SSR2: variants seen among roughly 807,000 people sequenced by gnomAD.
SSR2 encodes translocon-associated protein subunit beta.
SSR2 carries 16 observed loss-of-function variants against 22.6 expected under a neutral mutation model. That is an observed-to-expected ratio of 0.71 (90% CI 0.48 to 1.08). The LOEUF (loss-of-function observed/expected upper bound fraction) is 1.08, where lower values mean the gene tolerates loss of function less well. SSR2 is among the 50% of genes least tolerant of loss of function. SSR2 has a pLI of 0.00. For missense variants in SSR2, 171 were observed against 221.6 expected, an observed-to-expected ratio of 0.77 and a Z score of 1.45; for synonymous variants, 83 against 91.2, an observed-to-expected ratio of 0.91 and a Z score of 0.51.
At chr1:156,019,779 T>G (rs1015987653) in intron 2 of SSR2, among the ~76,000 whole-genome samples, 4 of 152,208 alleles carry the variant, frequency 2.6e-5, no homozygotes, top group Non-Finnish European at 5.9e-5. Flanking sequence ...TTCTTGCCAC[T>G]TCCCTACTCT....
At chr1:156,019,178 C>CAA (rs1683108195) in intron 2 of SSR2, 1 of 424,932 alleles carries the variant, frequency 2.4e-6, no homozygotes. Flanking sequence ...GGACTGGATT[C>CAA]TATTGCTCAG....
chr1:156,013,744 A>G (rs1683014616), intron 4 of SSR2: 1 of 153,598 alleles, frequency 6.5e-6, no homozygotes, highest in Non-Finnish European at 1.5e-5. Flanking sequence ...GAGAGGCAGA[A>G]AAGCTCAGCC....
At chr1:156,019,454 G>A (rs949983173) in intron 2 of SSR2, among the ~76,000 whole-genome samples, 7 of 151,910 alleles carry the variant, frequency 4.6e-5, no homozygotes, top group African/African-American at 7.3e-5. Flanking sequence ...CGCAATCTCC[G>A]GCTCACTGCA....
intron 3 of SSR2, among the ~76,000 whole-genome samples, chr1:156,015,505 C>CAAAAAAAA (rs1169214264): frequency 1.5e-4 from 6 of 41,032 alleles, no homozygotes; most frequent in East Asian, 2.0e-3. Flanking sequence ...GACTCCGCCT[C>CAAAAAAAA]AAAAAAAAAA....
intron 4 of SSR2, 79 bp downstream of exon 4, chr1:156,014,882 C>T: frequency 8.6e-7 from 1 of 1,157,074 alleles, no homozygotes; most frequent in Non-Finnish European, 1.3e-6. Flanking sequence ...TCTCTTCATC[C>T]CCCTCTTACC....
chr1:156,009,169 A>AG lies in SSR2; in HGVS notation c.*370dup, dbSNP rs1352968360. 2.6e-5 allele frequency: 5 copies of AG among 192,684 alleles called. No homozygotes were observed. The highest frequency in any genetic ancestry group is 5.2e-5 in the Non-Finnish European group (5 of 95,312). 11.9% of individuals were successfully genotyped at this position (192,684 alleles called of 1,614,324 possible). A position where few individuals can be genotyped will look rare whatever the true frequency, so the allele number is the denominator to read the frequency against. On this transcript the variant is annotated 3_prime_UTR_variant, in exon 6 of 6. Transcript: ENST00000295702. ...ATTTCATCTTCCACCCTCTTCTGAG[A>AG]GGGGGAGGCAGGGGATAGGGGTGGT...
rs1682948689 is a variant in SSR2, at chr1:156,009,336, ACGATGGAAC to A, written c.*195_*203del. On this transcript the variant is annotated 3_prime_UTR_variant, in exon 6 of 6. Coordinates refer to ENST00000295702, the MANE Select transcript of SSR2 (RefSeq NM_003145.4). ...CAAAGGCATTCCTGTTTATGGCTTCACGATGGAACCAAGGAGGCTCTCGCAGACTCCTAG... is the reference window on the plus strand; with the variant it reads ...CAAAGGCATTCCTGTTTATGGCTTCACAAGGAGGCTCTCGCAGACTCCTAG... 1.9e-6 allele frequency: 1 copy of A among 526,618 alleles called. No individual in the cohort carries two copies. Among genetic ancestry groups the A allele is most frequent in the Non-Finnish European group, 3.3e-6 (1 of 298,890 alleles). 32.6% of individuals were successfully genotyped at this position (526,618 alleles called of 1,614,324 possible).
chr1:156,018,242 C>G lies in SSR2; in HGVS notation c.254+28G>C, dbSNP rs201268089. 4.4e-6 allele frequency: 7 copies of G among 1,584,842 alleles called. No homozygotes were observed. In the African/African-American group the frequency reaches 5.4e-5, roughly 12 times the overall value. ...GGCAAGGCTCTCCCTGCCCCCCGAC[C>G]CTTCATCACCAAGTGCCAAGAGGAT... On this transcript the variant is annotated intron_variant, in intron 3 of 5. Transcript: ENST00000295702.
At chr1:156,015,612 G>C (rs1683044506) in intron 3 of SSR2, among the ~76,000 whole-genome samples, 1 of 140,600 alleles carries the variant, frequency 7.1e-6, no homozygotes, top group Non-Finnish European at 1.5e-5. Context: ...AAAAGAGAGA[G>C]AGATGGGGTC....
chr1:156,018,694 G>T (rs34995046), intron 2 of SSR2, among the ~76,000 whole-genome samples: 76,987 of 151,312 alleles, frequency 0.51, 21,436 homozygotes, highest in Non-Finnish European at 0.63. Context: ...GGGACAGAGC[G>T]AGACTCTGTC....
In SSR2 at chr1:156,020,286, C is replaced by T. The variant is rs753977773; in HGVS notation, c.1-119G>A. The T allele has an allele frequency of 4.0e-5, 42 of 1,052,776 alleles. No homozygotes were observed. In the South Asian group the frequency reaches 6.0e-4, roughly 15 times the overall value. 65.2% of individuals were successfully genotyped at this position (1,052,776 alleles called of 1,614,324 possible). A position where few individuals can be genotyped will look rare whatever the true frequency, so the allele number is the denominator to read the frequency against. On this transcript the variant is annotated intron_variant, in intron 1 of 5. Transcript: ENST00000295702. ...GCTACCAGAACAGCAGCCCCTTCCA[C>T]AGAGTAGTCCATAAGCCACCAGAGC...
chr1:156,012,564 T>C (rs1340245215), intron 4 of SSR2: 2 of 456,170 alleles, frequency 4.4e-6, no homozygotes, highest in African/African-American at 4.0e-5. Flanking sequence ...CTGAGGTTGG[T>C]TCTGAAAGCA....
intron 4 of SSR2, chr1:156,014,617 C>A (rs542533235): frequency 5.1e-6 from 1 of 194,338 alleles, no homozygotes; most frequent in Non-Finnish European, 1.1e-5. Flanking sequence ...TCTCGGCTCA[C>A]TGCAACCTCT....
chr1:156,015,786 T>C (rs1410313772), intron 3 of SSR2, among the ~76,000 whole-genome samples: 1 of 151,546 alleles, frequency 6.6e-6, no homozygotes, highest in African/African-American at 2.4e-5. Context: ...ATTTTAAGGG[T>C]CCCATGTTAT....
At chr1:156,019,806 G>C (rs183230175) in intron 2 of SSR2, among the ~76,000 whole-genome samples, 1 of 152,062 alleles carries the variant, frequency 6.6e-6, no homozygotes, top group African/African-American at 2.4e-5. Flanking sequence ...CTTCCAACCC[G>C]AAACGTGAAA....
In SSR2 at chr1:156,009,520, G is replaced by A; in HGVS notation, c.*20C>T. 6.4e-7 allele frequency: 1 copy of A among 1,571,792 alleles called. No homozygotes were observed. The highest frequency in any genetic ancestry group is 2.2e-5 in the East Asian group (1 of 44,656). On this transcript the variant is annotated 3_prime_UTR_variant, in exon 6 of 6. Transcript: ENST00000295702. The stretch of plus-strand genomic sequence containing the variant: ...GAGGAGCCTGGATTTCTTGGGAGAG[G>A]AGGGCTGTGGAAGCCCCAATCAGTT...
chr1:156,020,777 C>T (rs957500580), intron 1 of SSR2, 111 bp downstream of exon 1: 8 of 425,648 alleles, frequency 1.9e-5, no homozygotes, highest in Non-Finnish European at 4.0e-5. Flanking sequence ...CTCCAGCCAC[C>T]GCGTCCTCTG....
chr1:156,018,435 C>T (rs1052305066), intron 2 of SSR2, 67 bp from the exon 3 acceptor site: 74 of 1,319,282 alleles, frequency 5.6e-5, no homozygotes, highest in African/African-American at 4.1e-4. Context: ...GGCCGGGCGC[C>T]GTGGCTCACG....
At chr1:156,018,218 G>T (rs768964085) in intron 3 of SSR2, 52 bp downstream of exon 3, 2 of 1,415,140 alleles carry the variant, frequency 1.4e-6, no homozygotes, top group African/African-American at 1.4e-5. Context: ...TGCTTTGCAG[G>T]CAAGGCTCTC....
Sources: allele counts gnomAD v4.1 joint callset (sites outside exome capture counted in the v4.1 genomes callset), GRCh38; gene constraint gnomAD v4.1.1; transcripts MANE v1.5; gene names NCBI Gene and HGNC (gene_info 2026-07-23, HGNC 2026-07-21).